BDP1: variants seen among roughly 807,000 people sequenced by gnomAD.
BDP1 encodes the protein transcription factor TFIIIB component B'' homolog.
Under a neutral mutation model 266.6 loss-of-function variants are expected in BDP1, and 169 were observed. That is an observed-to-expected ratio of 0.63 (90% confidence interval 0.56 to 0.72). BDP1 has a LOEUF of 0.72. BDP1 is among the 30% of genes least tolerant of loss of function. The probability of loss-of-function intolerance (pLI) is 0.00; values close to 1 mark genes in which losing one functional copy is unlikely to be tolerated. For missense variants in BDP1, 3,015 were observed against 3,053.8 expected (o/e 0.99, Z 0.30); for synonymous variants, 1,090 against 1,022.4 (o/e 1.07, Z -1.26).
intron 26 of BDP1, among the ~76,000 whole-genome samples, chr5:71,537,149 C>CAAAAAAACAA (rs1766662099): frequency 1.2e-5 from 1 of 82,450 alleles, no homozygotes; most frequent in South Asian, 5.3e-4. Flanking sequence ...ACCAAAAAAC[C>CAAAAAAACAA]AAAAAAAAAA....
intron 13 of BDP1, among the ~76,000 whole-genome samples, chr5:71,497,997 C>A (rs1763996103): frequency 6.6e-6 from 1 of 151,828 alleles, no homozygotes; most frequent in Non-Finnish European, 1.5e-5. Flanking sequence ...GTCTCCCAGG[C>A]TGGAGTGCAG....
rs200823551 is a variant in BDP1 at position 71,550,377 on chromosome 5, A to G, written c.6995+771A>G. On this transcript the variant is annotated intron_variant, in intron 34 of 38. Coordinates refer to ENST00000358731, the MANE Select transcript of BDP1 (RefSeq NM_018429.3). ...CTCTAGCCTGGGTGATAGAGTGAGG[A>G]AAAAAAAAAAAAGATCCTCATGCCT... Among the ~76,000 whole-genome samples, 14 of 148,538 alleles carry G rather than the reference A, an allele frequency of 9.4e-5. 1 individual carries two copies. Among genetic ancestry groups the G allele is most frequent in the African/African-American group, 3.5e-4 (14 of 40,318 alleles).
chr5:71,489,735 C>T (rs1324885610), intron 10 of BDP1, 53 bp downstream of exon 10: 4 of 1,465,980 alleles, frequency 2.7e-6, no homozygotes, highest in Non-Finnish European at 3.7e-6. Flanking sequence ...AAGACATGTA[C>T]AGTAATATGG....
chr5:71,546,550 A>G (rs1034011219), intron 32 of BDP1, among the ~76,000 whole-genome samples: 1 of 147,178 alleles, frequency 6.8e-6, no homozygotes, highest in Non-Finnish European at 1.5e-5. Flanking sequence ...CCCAGGAGAC[A>G]GAGGTTGCAG....
intron 1 of BDP1, among the ~76,000 whole-genome samples, chr5:71,457,332 T>C (rs1316453636): frequency 6.7e-6 from 1 of 150,236 alleles, no homozygotes; most frequent in South Asian, 2.1e-4. Context: ...TTTAATTAGT[T>C]TTTTTTTTAG....
At chr5:71,526,937 C>T (rs913477376) in intron 25 of BDP1, among the ~76,000 whole-genome samples, 2 of 152,050 alleles carry the variant, frequency 1.3e-5, no homozygotes, top group South Asian at 2.1e-4. Flanking sequence ...CCACCTGCCT[C>T]GGCCTCCCAA....
intron 30 of BDP1, among the ~76,000 whole-genome samples, chr5:71,543,559 G>C (rs1387018563): frequency 6.6e-6 from 1 of 152,168 alleles, no homozygotes; most frequent in Non-Finnish European, 1.5e-5. Flanking sequence ...TCTAGCCTGG[G>C]TGACAGAGCA....
intron 4 of BDP1, among the ~76,000 whole-genome samples, chr5:71,465,805 C>G (rs925822440): frequency 1.3e-5 from 2 of 152,046 alleles, no homozygotes; most frequent in African/African-American, 4.8e-5. Context: ...GGTGTGAACC[C>G]AGGAGGCGGA....
intron 35 of BDP1, among the ~76,000 whole-genome samples, chr5:71,554,857 T>C (rs182213264): frequency 1.3e-5 from 2 of 152,350 alleles, no homozygotes; most frequent in East Asian, 3.9e-4. Context: ...TTTTGAATTT[T>C]AGAATAATTG....
At chr5:71,518,444 TCTTTTTATTATATTTA>T (rs1361883410) in intron 22 of BDP1, among the ~76,000 whole-genome samples, 6 of 152,278 alleles carry the variant, frequency 3.9e-5, no homozygotes, top group African/African-American at 1.4e-4. Context: ...ATTTATATTT[TCTTTTTATTATATTTA>T]CTTTTTGAGA....
chr5:71,555,127 T>C (rs1255874285), intron 35 of BDP1, among the ~76,000 whole-genome samples: 7 of 152,220 alleles, frequency 4.6e-5, no homozygotes, highest in Non-Finnish European at 8.8e-5. Context: ...GTATGGCTTC[T>C]GGAGATTATG....
At chr5:71,459,058 A>G (rs925581921) in intron 2 of BDP1, among the ~76,000 whole-genome samples, 2 of 152,228 alleles carry the variant, frequency 1.3e-5, no homozygotes, top group African/African-American at 4.8e-5. Context: ...TAATTTTTAC[A>G]TTATTTATTT....
At position 71,513,442 on chromosome 5, in the gene BDP1, G is replaced by GT. The variant is rs34587827; in HGVS notation, c.4470+50dup. ...TTTGAGATGGAAGTTCTGTGTGGGT[G>GT]TTTTTTTTTTTTTTTAAGTTATTAG... On this transcript the variant is annotated intron_variant, in intron 19 of 38. Coordinates refer to ENST00000358731, the MANE Select transcript of BDP1 (RefSeq NM_018429.3). The GT allele has an allele frequency of 0.029, 27,103 of 920,260 alleles. 6 individuals carry two copies. The highest frequency in any genetic ancestry group is 0.031 in the Non-Finnish European group (19,784 of 633,130). The allele number at this position is 920,260 out of a possible 1,614,324, so 57.0% of individuals were successfully genotyped here.
intron 19 of BDP1, 151 bp from the exon 20 acceptor site, chr5:71,514,793 C>A: frequency 2.0e-6 from 1 of 503,058 alleles, no homozygotes; most frequent in East Asian, 3.4e-5. Flanking sequence ...TTATAAGATA[C>A]ATTTCTAGAA....
chr5:71,515,788 A>T (rs555700742), intron 20 of BDP1, among the ~76,000 whole-genome samples: 2 of 152,066 alleles, frequency 1.3e-5, no homozygotes, highest in African/African-American at 4.8e-5. Context: ...ATACTAACTC[A>T]TTCTCCTCCT....
intron 16 of BDP1, among the ~76,000 whole-genome samples, chr5:71,509,131 T>G (rs1764750301): frequency 6.6e-6 from 1 of 152,174 alleles, no homozygotes; most frequent in Non-Finnish European, 1.5e-5. Flanking sequence ...TACATCAATC[T>G]AGCTCCAATG....
chr5:71,539,990 T>C (rs568990938), intron 28 of BDP1, among the ~76,000 whole-genome samples: 25 of 152,306 alleles, frequency 1.6e-4, no homozygotes, highest in African/African-American at 5.5e-4. Flanking sequence ...ATCACTGATA[T>C]AGTTTATACA....
downstream of BDP1, among the ~76,000 whole-genome samples, chr5:71,568,172 G>T (rs1458131296): frequency 6.6e-6 from 1 of 152,066 alleles, no homozygotes; most frequent in Admixed American, 6.5e-5. Context: ...TTTTTGACAG[G>T]TGTGCATGTC....
At chr5:71,522,995 C>A in intron 24 of BDP1, 46 bp downstream of exon 24, 3 of 1,492,394 alleles carry the variant, frequency 2.0e-6, no homozygotes, top group South Asian at 1.4e-5. Flanking sequence ...AAATAAAAAT[C>A]ACTTAACTTT....
Sources: allele counts gnomAD v4.1 joint callset (sites outside exome capture counted in the v4.1 genomes callset), GRCh38; gene constraint gnomAD v4.1.1; transcripts MANE v1.5; gene names NCBI Gene and HGNC (gene_info 2026-07-23, HGNC 2026-07-21).